Variants in UBE2K observed in about 807,000 individuals in gnomAD.
The protein encoded by UBE2K is ubiquitin conjugating enzyme E2 K, also known as ubiquitin-conjugating enzyme E2 K.
Under a neutral mutation model 30.0 loss-of-function variants are expected in UBE2K, and 6 were observed. That is an observed-to-expected ratio of 0.20 (90% CI 0.11 to 0.39). The LOEUF (loss-of-function observed/expected upper bound fraction) is 0.39. Among genes scored for constraint, UBE2K ranks in the 10% least tolerant of loss-of-function variants. UBE2K has a pLI of 1.00. For synonymous variants in UBE2K, 86 were observed against 83.7 expected, an observed-to-expected ratio of 1.03 and a Z score of -0.15; for missense variants, 61 against 241.6, an observed-to-expected ratio of 0.25 and a Z score of 4.96.
rs3839130 is a variant in UBE2K at position 39,779,042 on chromosome 4, A to ACCCCCCCCCCCCCCCCCCCTTCCCCC, written c.*616_*617insCCCCCCCCCCCTTCCCCCCCCCCCCC. 1 of 128,222 alleles carries ACCCCCCCCCCCCCCCCCCCTTCCCCC rather than the reference A, an allele frequency of 7.8e-6. No homozygotes were observed. The highest frequency in any genetic ancestry group is 2.2e-4 in the East Asian group (1 of 4,468). 7.9% of individuals were successfully genotyped at this position (128,222 alleles called of 1,614,324 possible). On this transcript the variant is annotated 3_prime_UTR_variant, in exon 7 of 7. Coordinates refer to ENST00000261427, the MANE Select transcript of UBE2K (RefSeq NM_005339.5). ...TGGGACAGTGTCTGATTCCCCCTTC[A>ACCCCCCCCCCCCCCCCCCCTTCCCCC]CCCCCCCCACCCCCGCCTTGCCACA...
chr4:39,711,912 A>G (rs760202016), intron 1 of UBE2K, among the ~76,000 whole-genome samples: 1 of 151,632 alleles, frequency 6.6e-6, no homozygotes, highest in Admixed American at 6.6e-5. Flanking sequence ...ATGGTGGTGC[A>G]TGCCTGTAAT....
At chr4:39,702,869 TCC>T (rs1157001559) in intron 1 of UBE2K, among the ~76,000 whole-genome samples, 1 of 152,078 alleles carries the variant, frequency 6.6e-6, no homozygotes, top group East Asian at 1.9e-4. Context: ...TTTAGCAACA[TCC>T]CTGACCTCTA....
At chr4:39,772,397 CAAAAA>C (rs34937270) in intron 4 of UBE2K, among the ~76,000 whole-genome samples, 15,188 of 127,206 alleles carry the variant, frequency 0.12, 1,027 homozygotes, top group East Asian at 0.23. Context: ...CTGTCTCTAC[CAAAAA>C]AAAAAAAAAA....
chr4:39,742,860 A>G (rs1720778037), intron 2 of UBE2K, among the ~76,000 whole-genome samples: 1 of 152,172 alleles, frequency 6.6e-6, no homozygotes, highest in African/African-American at 2.4e-5. Flanking sequence ...AGCCTGACCA[A>G]CATGGTGAAA....
chr4:39,768,563 A>T (rs962784294), intron 4 of UBE2K, among the ~76,000 whole-genome samples: 1 of 152,140 alleles, frequency 6.6e-6, no homozygotes, highest in African/African-American at 2.4e-5. Flanking sequence ...TGTGCATTTA[A>T]AAGAGATGAG....
In UBE2K at chr4:39,724,105, G is replaced by A. The variant is rs1016649420; in HGVS notation, c.64-13315G>A. 9.0e-5 allele frequency among the ~76,000 whole-genome samples: 13 copies of A among 144,944 alleles called. No individual in the cohort carries two copies. In the South Asian group the frequency reaches 2.2e-3, roughly 25 times the overall value. ...TGGGATTACAGGCATGAGCCACCAT[G>A]CCCAGTCCTTTTTTAATTTTTTTTT... On this transcript the variant is annotated intron_variant, in intron 1 of 6. Transcript: ENST00000261427.
chr4:39,772,289 G>C (rs896025188), intron 4 of UBE2K, among the ~76,000 whole-genome samples: 1 of 151,612 alleles, frequency 6.6e-6, no homozygotes, highest in Non-Finnish European at 1.5e-5. Flanking sequence ...GCTAGTTGTC[G>C]TGGCTCACAC....
At chr4:39,741,252 C>G (rs1488133571) in intron 2 of UBE2K, among the ~76,000 whole-genome samples, 1 of 151,966 alleles carries the variant, frequency 6.6e-6, no homozygotes, top group African/African-American at 2.4e-5. Context: ...GCCTGGGCGA[C>G]AGAGGGAGAC....
chr4:39,747,681 A>G (rs547446174), intron 3 of UBE2K, among the ~76,000 whole-genome samples: 65 of 152,154 alleles, frequency 4.3e-4, no homozygotes, highest in African/African-American at 1.4e-3. Flanking sequence ...CAGTGGCACA[A>G]TCTCAGCTCA....
chr4:39,720,679 T>C (rs1260408187), intron 1 of UBE2K, among the ~76,000 whole-genome samples: 1 of 152,236 alleles, frequency 6.6e-6, no homozygotes, highest in Non-Finnish European at 1.5e-5. Flanking sequence ...TGTATACGTA[T>C]AGATAGTTAA....
At chr4:39,771,054 C>T (rs1560379630) in intron 4 of UBE2K, 1 of 1,612,290 alleles carries the variant, frequency 6.2e-7, no homozygotes, top group African/African-American at 1.3e-5. Flanking sequence ...CTATTTTGGG[C>T]TCAGTGAACT....
chr4:39,770,615 C>T, intron 4 of UBE2K: 3 of 1,594,638 alleles, frequency 1.9e-6, no homozygotes, highest in South Asian at 1.1e-5. Flanking sequence ...ACAGCAGGCT[C>T]TCCCCTTCTG....
chr4:39,722,120 G>A (rs1413291867), intron 1 of UBE2K, among the ~76,000 whole-genome samples: 1 of 151,956 alleles, frequency 6.6e-6, no homozygotes, highest in African/African-American at 2.4e-5. Flanking sequence ...CTATTTTTCA[G>A]TTGACTTAAA....
chr4:39,731,407 C>T (rs1487232813), intron 1 of UBE2K, among the ~76,000 whole-genome samples: 2 of 151,946 alleles, frequency 1.3e-5, no homozygotes, highest in African/African-American at 2.4e-5. Flanking sequence ...TCAGAAAACA[C>T]GGTGGCTCAC....
chr4:39,742,872 C>G (rs962213230), intron 2 of UBE2K, among the ~76,000 whole-genome samples: 15 of 152,060 alleles, frequency 9.9e-5, no homozygotes, highest in Non-Finnish European at 1.3e-4. Flanking sequence ...ATGGTGAAAC[C>G]TCATCTCTAC....
At chr4:39,768,097 C>CA (rs1460837077) in intron 4 of UBE2K, among the ~76,000 whole-genome samples, 1 of 151,984 alleles carries the variant, frequency 6.6e-6, no homozygotes, top group Non-Finnish European at 1.5e-5. Context: ...TGAAATTACT[C>CA]AAACTATCAA....
intron 4 of UBE2K, among the ~76,000 whole-genome samples, chr4:39,756,427 TC>T (rs1205852481): frequency 6.6e-6 from 1 of 152,210 alleles, no homozygotes; most frequent in Non-Finnish European, 1.5e-5. Flanking sequence ...TTTATGTAAT[TC>T]CCTTAGAATA....
At chr4:39,777,610 G>A (rs1481483041) in intron 5 of UBE2K, 72 bp from the exon 6 acceptor site, 2 of 1,313,616 alleles carry the variant, frequency 1.5e-6, no homozygotes, top group Non-Finnish European at 2.0e-6. Context: ...AGGATTGTAG[G>A]CGATTAAGAG....
At chr4:39,732,373 A>T (rs1159782279) in intron 1 of UBE2K, among the ~76,000 whole-genome samples, 2 of 152,208 alleles carry the variant, frequency 1.3e-5, no homozygotes, top group Admixed American at 1.3e-4. Flanking sequence ...GTAAGCTCCA[A>T]GTGGGCAGGG....
Sources: allele counts gnomAD v4.1 joint callset (sites outside exome capture counted in the v4.1 genomes callset), GRCh38; gene constraint gnomAD v4.1.1; transcripts MANE v1.5; gene names NCBI Gene and HGNC (gene_info 2026-07-23, HGNC 2026-07-21).